Variants in MEF2A observed in about 807,000 individuals in gnomAD.
The protein encoded by MEF2A is myocyte-specific enhancer factor 2A.
Under a neutral mutation model 55.8 loss-of-function variants are expected in MEF2A, and 28 were observed. The ratio of observed to expected loss-of-function variants is 0.50; its 90% CI spans 0.37 to 0.69. The LOEUF is 0.69. Ranked by LOEUF, MEF2A falls within the 30% of genes least tolerant of loss-of-function variation. The pLI, the probability that MEF2A is intolerant of heterozygous loss-of-function variation, is 0.00. For missense variants in MEF2A, 528 were observed against 626.2 expected (o/e 0.84, Z 1.67); for synonymous variants, 239 against 227.1 (o/e 1.05, Z -0.47).
Position 99,712,504 on chromosome 15 carries a change from CCAGCAGCAGCAG to C in MEF2A, c.1274_1285del (p.Gln425_Gln428del), listed in dbSNP as rs3138597. ...GGGATCGTATGACCCCATCGGGCTT[CCAGCAGCAGCAG>C]CAGCAGCAGCAGCAGCAGCAGCCGC... On this transcript the variant is annotated inframe_deletion, in exon 12 of 12. Transcript: ENST00000557942. This position sits in a 1 kb window ranked among gnomAD's most constrained non-coding sequence, Gnocchi z 4.1. 1,781 of 1,531,496 alleles carry C rather than the reference CCAGCAGCAGCAG, an allele frequency of 1.2e-3. 4 individuals carry two copies. The highest frequency in any genetic ancestry group is 7.7e-3 in the East Asian group (308 of 40,184). 94.9% of individuals were successfully genotyped at this position (1,531,496 alleles called of 1,614,324 possible). A position where few individuals can be genotyped will look rare whatever the true frequency, so the allele number is the denominator to read the frequency against.
At chr15:99,640,663 C>T (rs2153453673) in intron 3 of MEF2A, among the ~76,000 whole-genome samples, 1 of 151,324 alleles carries the variant, frequency 6.6e-6, no homozygotes. Flanking sequence ...CTCAAGCAAT[C>T]CTCCTGCTTC....
At chr15:99,634,347 T>C (rs1289777654) in intron 3 of MEF2A, among the ~76,000 whole-genome samples, 1 of 152,178 alleles carries the variant, frequency 6.6e-6, no homozygotes, top group Admixed American at 6.5e-5. Flanking sequence ...TGATTCATTA[T>C]GAAGGTTGGT....
chr15:99,671,830 G>T (rs1403586464), intron 5 of MEF2A, among the ~76,000 whole-genome samples: 2 of 152,152 alleles, frequency 1.3e-5, no homozygotes, highest in Non-Finnish European at 2.9e-5. Flanking sequence ...TCTTATACAT[G>T]TTCAGTATCT....
chr15:99,661,761 A>T (rs2048681672), intron 4 of MEF2A, among the ~76,000 whole-genome samples: 1 of 151,932 alleles, frequency 6.6e-6, no homozygotes, highest in African/African-American at 2.4e-5. Context: ...TGTTTTATGA[A>T]CTAATACTTC....
chr15:99,685,243 A>G (rs1251496893), intron 7 of MEF2A, among the ~76,000 whole-genome samples: 1 of 152,092 alleles, frequency 6.6e-6, no homozygotes, highest in Non-Finnish European at 1.5e-5. Flanking sequence ...TGATGGTGGT[A>G]TTTTGATGGG....
chr15:99,683,540 A>G (rs374129407), intron 7 of MEF2A, among the ~76,000 whole-genome samples: 19 of 151,962 alleles, frequency 1.3e-4, no homozygotes, highest in Admixed American at 3.3e-4. Context: ...CCTAGTAGCC[A>G]GGATTACAGA....
At chr15:99,612,678 C>T (rs1279973053) in intron 2 of MEF2A, among the ~76,000 whole-genome samples, 1 of 152,060 alleles carries the variant, frequency 6.6e-6, no homozygotes, top group Non-Finnish European at 1.5e-5. Context: ...GCGTTCCAAT[C>T]TGGGTAACTG....
chr15:99,712,504 C>CCAGCAGCAG lies in MEF2A; in HGVS notation c.1277_1285dup (p.Gln426_Gln428dup), dbSNP rs3138597. ...GGGATCGTATGACCCCATCGGGCTT[C>CCAGCAGCAG]CAGCAGCAGCAGCAGCAGCAGCAGC... On this transcript the variant is annotated inframe_insertion, in exon 12 of 12. Coordinates refer to ENST00000557942, the MANE Select transcript of MEF2A (RefSeq NM_001319206.4). This position sits in a 1 kb window ranked among gnomAD's most constrained non-coding sequence, Gnocchi z 4.1. 6.8e-4 allele frequency: 1,047 copies of CCAGCAGCAG among 1,531,524 alleles called. 3 individuals carry two copies. The East Asian group carries it at 0.011, about 15-fold the overall frequency. 94.9% of individuals were successfully genotyped at this position (1,531,524 alleles called of 1,614,324 possible).
At chr15:99,711,194 A>G (rs985444316) in intron 11 of MEF2A, among the ~76,000 whole-genome samples, 2 of 152,314 alleles carry the variant, frequency 1.3e-5, no homozygotes, top group South Asian at 4.1e-4. Context: ...CACCCTTGCC[A>G]TTGACTGCTT....
chr15:99,683,779 A>G (rs1158306723), intron 7 of MEF2A, among the ~76,000 whole-genome samples: 1 of 151,952 alleles, frequency 6.6e-6, no homozygotes, highest in African/African-American at 2.4e-5. Context: ...TTGCATGGAA[A>G]AATTCTTTAG....
intron 1 of MEF2A, among the ~76,000 whole-genome samples, chr15:99,598,135 A>G (rs1323672159): frequency 6.6e-6 from 1 of 152,174 alleles, no homozygotes; most frequent in South Asian, 2.1e-4. Context: ...TACAGAGGAT[A>G]GGAAAATGGG....
Position 99,706,755 on chromosome 15 carries a change from A to G in MEF2A, c.909A>G (p.Gln303=). The G allele has an allele frequency of 6.2e-7, 1 of 1,613,760 alleles. No individual in the cohort carries two copies. Among genetic ancestry groups the G allele is most frequent in the South Asian group, 1.1e-5 (1 of 91,072 alleles). The change falls in exon 10 of 12, where the codon CAA becomes CAG. Residue 303 remains glutamine (Q), a synonymous_variant. Transcript: ENST00000557942. The part of the protein sequence containing the change: ...ELNTQRISSS[Q]ATQPLATPVV... ...ATACCCAGAGGATCAGTAGTTCTCA[A>G]GCCACTCAACCTCTTGCTACCCCAG...
Position 99,706,869 on chromosome 15 carries a change from G to C in MEF2A, c.1009+14G>C, listed in dbSNP as rs576830773. On this transcript the variant is annotated intron_variant, in intron 10 of 11. Coordinates refer to ENST00000557942, the MANE Select transcript of MEF2A (RefSeq NM_001319206.4). ...CCTACAACACTGGTGAGCCTGCTCT[G>C]GTGCCTTCCGTAGGTTTTACCGCTC... 8.3e-5 allele frequency: 134 copies of C among 1,611,934 alleles called. No individual in the cohort carries two copies. In the East Asian group the frequency reaches 2.8e-3, roughly 34 times the overall value.
chr15:99,601,807 TTGTGTGTGTGTGTGTGTGTGTGTGTG>T (rs56729766), intron 2 of MEF2A, among the ~76,000 whole-genome samples: 6 of 138,822 alleles, frequency 4.3e-5, no homozygotes, highest in East Asian at 2.1e-4. Context: ...TTTGTCTGTT[TTGTGTGTGTGTGTGTGTGTGTGTGTG>T]TGTGTGTGTG....
chr15:99,678,983 G>A (rs2052670469), intron 7 of MEF2A, among the ~76,000 whole-genome samples: 1 of 152,108 alleles, frequency 6.6e-6, no homozygotes, highest in Non-Finnish European at 1.5e-5. Flanking sequence ...TGATAAATGT[G>A]AAGAAATGCT....
At position 99,645,542 on chromosome 15, in the gene MEF2A, T is replaced by C. The variant is rs2045828530; in HGVS notation, c.55-19T>C. ...ACTACTAATGCTTTTAATAAAAATA[T>C]ACCTTTTTTATTGTTTAGGTCACTT... is the stretch of plus-strand genomic sequence containing the variant. On this transcript the variant is annotated intron_variant, in intron 3 of 11. Transcript: ENST00000557942. 2.6e-6 allele frequency: 4 copies of C among 1,549,608 alleles called. No homozygotes were observed. In the South Asian group the frequency reaches 3.4e-5, roughly 13 times the overall value.
At chr15:99,588,951 G>A (rs1366166232) in intron 1 of MEF2A, among the ~76,000 whole-genome samples, 1 of 151,978 alleles carries the variant, frequency 6.6e-6, no homozygotes, top group Non-Finnish European at 1.5e-5. Context: ...TATTTTGCTG[G>A]ATTTGACCTG....
intron 8 of MEF2A, among the ~76,000 whole-genome samples, chr15:99,696,382 GA>G (rs1366034846): frequency 6.6e-6 from 1 of 152,134 alleles, no homozygotes; most frequent in Non-Finnish European, 1.5e-5. Flanking sequence ...AAATTTCAGT[GA>G]ATTGAAATCA....
At chr15:99,706,979 A>G (rs889977332) in intron 10 of MEF2A, 124 bp downstream of exon 10, 1 of 1,210,032 alleles carries the variant, frequency 8.3e-7, no homozygotes, top group Non-Finnish European at 1.1e-6. Context: ...TTAGATTTAA[A>G]TTAGGATGTA....
Sources: gnomAD v4.1 joint callset for allele counts (sites outside exome capture counted in the v4.1 genomes callset) on GRCh38, gnomAD v4.1.1 for gene constraint, Gnocchi (gnomAD v3.1) non-coding constraint, MANE v1.5 for transcripts, NCBI Gene and HGNC (gene_info 2026-07-23, HGNC 2026-07-21) for gene names.